Variants in ARL15 observed in about 807,000 individuals in gnomAD.
ARL15 encodes the protein ARF like GTPase 15.
A neutral mutation model predicts 25.2 loss-of-function variants in ARL15; 19 were observed. The observed-to-expected ratio is 0.75, with a 90% CI of 0.53 to 1.10. The LOEUF is 1.10. Ranked by LOEUF, ARL15 falls within the 50% of genes least tolerant of loss-of-function variation. The pLI, the probability that ARL15 is intolerant of heterozygous loss-of-function variation, is 0.00. For missense variants in ARL15, 220 were observed against 246.0 expected, an observed-to-expected ratio of 0.89 and a Z score of 0.71; for synonymous variants, 94 against 86.8, an observed-to-expected ratio of 1.08 and a Z score of -0.46.
At chr5:53,895,693 T>C (rs1038491505) in intron 4 of ARL15, among the ~76,000 whole-genome samples, 1 of 152,262 alleles carries the variant, frequency 6.6e-6, no homozygotes, top group Non-Finnish European at 1.5e-5. Context: ...TCTATCTACA[T>C]ATCTTTTCAA....
At chr5:54,250,654 T>C (rs1757214914) in intron 1 of ARL15, among the ~76,000 whole-genome samples, 1 of 151,632 alleles carries the variant, frequency 6.6e-6, no homozygotes, top group South Asian at 2.1e-4. Context: ...TACAGGGACA[T>C]GGGTAGTAGG....
chr5:53,996,302 T>C (rs940462362), intron 4 of ARL15, among the ~76,000 whole-genome samples: 2 of 152,170 alleles, frequency 1.3e-5, no homozygotes, highest in South Asian at 2.1e-4. Flanking sequence ...AGCTGATGCA[T>C]GTGTGATCAT....
At chr5:53,907,488 ATTTTTTTT>A (rs869174212) in intron 4 of ARL15, among the ~76,000 whole-genome samples, 4 of 18,016 alleles carry the variant, frequency 2.2e-4, no homozygotes, top group African/African-American at 5.8e-4. Flanking sequence ...ATATATATAT[ATTTTTTTT>A]TTTTTTTTTT....
intron 3 of ARL15, among the ~76,000 whole-genome samples, chr5:54,122,381 C>A (rs1276204633): frequency 6.6e-6 from 1 of 152,216 alleles, no homozygotes; most frequent in African/African-American, 2.4e-5. Context: ...TTATGAAAAC[C>A]AAAACTGATC....
intron 4 of ARL15, among the ~76,000 whole-genome samples, chr5:53,986,721 GTTCA>G (rs1228905004): frequency 2.0e-5 from 3 of 152,154 alleles, no homozygotes; most frequent in Non-Finnish European, 4.4e-5. Flanking sequence ...TGTAGTTTTC[GTTCA>G]TTCAGTCACT....
chr5:54,095,678 G>A (rs1322341128), intron 4 of ARL15, among the ~76,000 whole-genome samples: 1 of 151,982 alleles, frequency 6.6e-6, no homozygotes, highest in East Asian at 1.9e-4. Context: ...GAATACAATA[G>A]CCACTCTGTC....
intron 4 of ARL15, among the ~76,000 whole-genome samples, chr5:54,110,606 T>A (rs1347092314): frequency 3.9e-5 from 6 of 151,958 alleles, no homozygotes; most frequent in Non-Finnish European, 5.9e-5. Flanking sequence ...CATTGGTAAA[T>A]TCCATAAAAC....
rs116524909 is a variant in ARL15, at chr5:54,104,442, A to C, written c.462+8760T>G. 3.1e-3 allele frequency among the ~76,000 whole-genome samples: 469 copies of C among 152,264 alleles called. 5 individuals are homozygous for C. The highest frequency in any genetic ancestry group is 0.011 in the African/African-American group (450 of 41,542). On this transcript the variant is annotated intron_variant, in intron 4 of 4. Coordinates refer to ENST00000504924, the MANE Select transcript of ARL15 (RefSeq NM_019087.3). ...TTCATCTCTGTGACTTGTGATGCCA[A>C]TATTTGCAGTACCTTGCAAAGAAGT...
intron 4 of ARL15, among the ~76,000 whole-genome samples, chr5:53,901,532 A>C (rs1745063112): frequency 6.6e-6 from 1 of 152,162 alleles, no homozygotes; most frequent in Non-Finnish European, 1.5e-5. Flanking sequence ...GTATCTTATA[A>C]AATGGTCTGC....
intron 4 of ARL15, among the ~76,000 whole-genome samples, chr5:54,016,087 T>C (rs1339964959): frequency 6.6e-6 from 1 of 152,156 alleles, no homozygotes; most frequent in African/African-American, 2.4e-5. Context: ...CCTTGTCTCA[T>C]GTTTTGTGGA....
At chr5:53,906,391 C>T (rs1745250972) in intron 4 of ARL15, among the ~76,000 whole-genome samples, 1 of 152,136 alleles carries the variant, frequency 6.6e-6, no homozygotes, top group African/African-American at 2.4e-5. Flanking sequence ...AGCATGACCA[C>T]TGGCCCTGTA....
At chr5:54,301,673 C>T (rs979883783) in intron 1 of ARL15, among the ~76,000 whole-genome samples, 24 of 152,156 alleles carry the variant, frequency 1.6e-4, no homozygotes, top group Admixed American at 1.3e-3. Context: ...TGATTAGGAA[C>T]GGGTATAGAC....
chr5:54,224,920 G>A (rs1756478108), intron 1 of ARL15, among the ~76,000 whole-genome samples: 1 of 152,162 alleles, frequency 6.6e-6, no homozygotes, highest in Admixed American at 6.5e-5. Flanking sequence ...GAAACACAAA[G>A]GTGATTTCAA....
intron 4 of ARL15, among the ~76,000 whole-genome samples, chr5:53,967,127 T>C (rs969523977): frequency 6.6e-6 from 1 of 152,228 alleles, no homozygotes; most frequent in Non-Finnish European, 1.5e-5. Context: ...TGGAAAAATC[T>C]GCAATAATAT....
chr5:54,180,955 C>T (rs984311677), intron 1 of ARL15, among the ~76,000 whole-genome samples: 3 of 152,080 alleles, frequency 2.0e-5, no homozygotes, highest in East Asian at 3.9e-4. Context: ...GAACCAGACC[C>T]GGGGCCCACG....
At chr5:54,057,764 G>A (rs1371622439) in intron 4 of ARL15, among the ~76,000 whole-genome samples, 2 of 152,062 alleles carry the variant, frequency 1.3e-5, no homozygotes, top group African/African-American at 4.8e-5. Context: ...TGGGAGGATG[G>A]CCTGAGTCTG....
Position 54,120,185 on chromosome 5 carries a change from C to A in ARL15, c.254-6775G>T, listed in dbSNP as rs1248745006. On this transcript the variant is annotated intron_variant, in intron 3 of 4. Coordinates refer to ENST00000504924, the MANE Select transcript of ARL15 (RefSeq NM_019087.3). ...ATTCTTTGCTATACAAATAATCTAT[C>A]TTTTTGGTTGATGGTGGTGGCTTGA... Among the ~76,000 whole-genome samples the A allele has an allele frequency of 2.6e-5, 4 of 152,128 alleles. No homozygotes were observed. In the South Asian group the frequency reaches 8.3e-4, roughly 32 times the overall value.
intron 3 of ARL15, among the ~76,000 whole-genome samples, chr5:54,142,728 G>A (rs1478041677): frequency 6.6e-6 from 1 of 152,048 alleles, no homozygotes; most frequent in African/African-American, 2.4e-5. Context: ...CTAAACAAAG[G>A]AAGCAAGCAT....
intron 4 of ARL15, among the ~76,000 whole-genome samples, chr5:54,000,316 T>TAG: frequency 6.6e-6 from 1 of 152,314 alleles, no homozygotes; most frequent in South Asian, 2.1e-4. Flanking sequence ...TTCTGGTCAC[T>TAG]AGCTGCATGT....
Sources: allele counts gnomAD v4.1 joint callset (sites outside exome capture counted in the v4.1 genomes callset), GRCh38; gene constraint gnomAD v4.1.1; transcripts MANE v1.5; gene names NCBI Gene and HGNC (gene_info 2026-07-23, HGNC 2026-07-21).